MICU1: variants seen among roughly 807,000 people sequenced by gnomAD.
The protein encoded by MICU1 is calcium uptake protein 1, mitochondrial.
In MICU1, 45 loss-of-function variants were observed where a neutral mutation model predicts 56.8. That is an observed-to-expected ratio of 0.79 (90% confidence interval 0.62 to 1.02). The LOEUF is 1.02. Ranked by LOEUF, MICU1 falls within the 50% of genes least tolerant of loss-of-function variation. The probability of loss-of-function intolerance (pLI) is 0.00; values close to 1 mark genes in which losing one functional copy is unlikely to be tolerated. For synonymous variants in MICU1, 186 were observed against 195.1 expected (o/e 0.95, Z 0.39); for missense variants, 504 against 587.1 (o/e 0.86, Z 1.46).
At chr10:72,432,430 A>C (rs914093003) in intron 8 of MICU1, among the ~76,000 whole-genome samples, 3 of 151,806 alleles carry the variant, frequency 2.0e-5, no homozygotes, top group African/African-American at 7.3e-5. Context: ...CTGCCTGCCA[A>C]TTTTTTTGCC....
intron 10 of MICU1, among the ~76,000 whole-genome samples, chr10:72,397,397 ACAT>A (rs1354281061): frequency 5.9e-5 from 9 of 152,342 alleles, no homozygotes; most frequent in Admixed American, 1.3e-4. Flanking sequence ...TAACCAGCGA[ACAT>A]CATAATGACA....
At chr10:72,460,669 C>T (rs967425389) in intron 8 of MICU1, among the ~76,000 whole-genome samples, 1 of 152,156 alleles carries the variant, frequency 6.6e-6, no homozygotes, top group Admixed American at 6.5e-5. Flanking sequence ...AATTCATTCA[C>T]AAATGACTGC....
In MICU1 at chr10:72,368,233, G is replaced by T; in HGVS notation, c.1393C>A (p.Gln465Lys). 1 of 1,613,884 alleles carries T rather than the reference G, an allele frequency of 6.2e-7. No individual in the cohort carries two copies. The highest frequency in any genetic ancestry group is 8.5e-7 in the Non-Finnish European group (1 of 1,179,856). The change falls in exon 12 of 12, where the codon CAG becomes AAG. Residue 465 changes from glutamine (Q) to lysine (K), a missense_variant. By Grantham distance (53) the Gln-to-Lys change is moderately conservative. Coordinates refer to ENST00000361114, the MANE Select transcript of MICU1 (RefSeq NM_001195518.2). ...AAAGCGAAGTCCCAGGCAGTTTCCT[G>T]TGCACATTTCCACATGGCCTGCATG... ...RLMQAMWKCA[Q>K]ETAWDFALPK...
intron 10 of MICU1, among the ~76,000 whole-genome samples, chr10:72,402,830 T>C (rs1232834283): frequency 6.6e-6 from 1 of 152,046 alleles, no homozygotes; most frequent in Non-Finnish European, 1.5e-5. Flanking sequence ...GGCAGATTGC[T>C]TGAGCCCAGG....
In MICU1 at chr10:72,625,860, T is replaced by A. The variant is rs76500160; in HGVS notation, c.-2+150A>T. The A allele has an allele frequency of 0.041, 6,217 of 152,468 alleles. 435 individuals carry two copies. Among genetic ancestry groups the A allele is most frequent in the African/African-American group, 0.14 (5,851 of 41,518 alleles). The allele number at this position is 152,468 out of a possible 1,614,324, so 9.4% of individuals were successfully genotyped here. ...TGAGCGCATCAGGGAGAGACAGGTA[T>A]CCCGCCAGACCCGAGAAGTAGCCGG... On this transcript the variant is annotated intron_variant, in intron 1 of 11. Coordinates refer to ENST00000361114, the MANE Select transcript of MICU1 (RefSeq NM_001195518.2).
At chr10:72,613,893 C>T (rs1219181741) in intron 1 of MICU1, among the ~76,000 whole-genome samples, 1 of 152,020 alleles carries the variant, frequency 6.6e-6, no homozygotes, top group Non-Finnish European at 1.5e-5. Flanking sequence ...ACCTGTAATC[C>T]CAGCACTTTG....
chr10:72,616,995 C>T (rs74743032), intron 1 of MICU1, among the ~76,000 whole-genome samples: 2,601 of 152,280 alleles, frequency 0.017, 77 homozygotes, highest in African/African-American at 0.06. Context: ...TCATTTCTTT[C>T]CTATCTTTCA....
intron 1 of MICU1, among the ~76,000 whole-genome samples, chr10:72,597,691 T>TTA (rs1194495292): frequency 1.3e-5 from 2 of 152,206 alleles, no homozygotes; most frequent in African/African-American, 2.4e-5. Context: ...CATATATACC[T>TTA]TATACATATA....
chr10:72,392,258 C>T (rs1158520062), intron 10 of MICU1, among the ~76,000 whole-genome samples: 1 of 152,036 alleles, frequency 6.6e-6, no homozygotes, highest in Non-Finnish European at 1.5e-5. Context: ...CAAGGGACAA[C>T]TATTTTTATC....
rs570253346 is a variant in MICU1 at position 72,614,016 on chromosome 10, G to A, written c.-2+11994C>T. Among the ~76,000 whole-genome samples, 14 of 152,090 alleles carry A rather than the reference G, an allele frequency of 9.2e-5. No individual in the cohort carries two copies. The East Asian group carries it at 1.4e-3, about 15-fold the overall frequency. On this transcript the variant is annotated intron_variant, in intron 1 of 11. Transcript: ENST00000361114. ...AAAAAAATTAGCTGGGCGTGGTGGC[G>A]GGCGCCTGTCCCAGCTATTTAGGAG...
chr10:72,420,394 G>A (rs1376130204), intron 9 of MICU1, among the ~76,000 whole-genome samples: 6 of 152,138 alleles, frequency 3.9e-5, no homozygotes, highest in East Asian at 3.9e-4. Flanking sequence ...TTTGCCTTCC[G>A]CCGTGATTGT....
At chr10:72,399,198 A>C (rs1208402108) in intron 10 of MICU1, among the ~76,000 whole-genome samples, 1 of 152,146 alleles carries the variant, frequency 6.6e-6, no homozygotes, top group Admixed American at 6.6e-5. Context: ...CATTCTGAGC[A>C]AACTATCACA....
intron 8 of MICU1, among the ~76,000 whole-genome samples, chr10:72,470,507 C>G (rs1184489913): frequency 1.3e-5 from 2 of 152,074 alleles, no homozygotes; most frequent in South Asian, 2.1e-4. Flanking sequence ...GATGGGCAAG[C>G]AAACATGTAA....
chr10:72,521,197 A>G (rs1327676775), intron 5 of MICU1, among the ~76,000 whole-genome samples: 1 of 152,122 alleles, frequency 6.6e-6, no homozygotes, highest in Non-Finnish European at 1.5e-5. Flanking sequence ...TAAGAAAAAA[A>G]TGTATCATAA....
At chr10:72,395,463 C>G (rs370150731) in intron 10 of MICU1, among the ~76,000 whole-genome samples, 1 of 152,096 alleles carries the variant, frequency 6.6e-6, no homozygotes, top group Non-Finnish European at 1.5e-5. Flanking sequence ...GAGAGTGAGT[C>G]GAAGCAGGGC....
At position 72,371,213 on chromosome 10, in the gene MICU1, G is replaced by A. The variant is rs533776999; in HGVS notation, c.1271-2858C>T. On this transcript the variant is annotated intron_variant, in intron 11 of 11. Coordinates refer to ENST00000361114, the MANE Select transcript of MICU1 (RefSeq NM_001195518.2). The stretch of plus-strand genomic sequence containing the variant: ...ATCCTGGCTAACACGGTGAAACCTC[G>A]TCTCTACTAAAAATACAAAAAAAAA... Among the ~76,000 whole-genome samples the A allele has an allele frequency of 2.7e-5, 4 of 148,412 alleles. No homozygotes were observed. In the South Asian group the frequency reaches 6.4e-4, roughly 24 times the overall value.
At chr10:72,485,355 G>C (rs1411871882) in intron 6 of MICU1, among the ~76,000 whole-genome samples, 4 of 152,018 alleles carry the variant, frequency 2.6e-5, no homozygotes, top group Non-Finnish European at 1.5e-5. Flanking sequence ...TGGGATTGCA[G>C]GTGTGAGCCA....
intron 6 of MICU1, among the ~76,000 whole-genome samples, chr10:72,497,239 T>C (rs1000553574): frequency 6.6e-6 from 1 of 151,984 alleles, no homozygotes; most frequent in African/African-American, 2.4e-5. Context: ...TTTGTATTTT[T>C]AGTAGAGATG....
intron 8 of MICU1, among the ~76,000 whole-genome samples, chr10:72,442,179 C>A (rs960615605): frequency 6.6e-6 from 1 of 152,054 alleles, no homozygotes; most frequent in East Asian, 1.9e-4. Context: ...TTTTTTGAGA[C>A]GGAGTCTCAC....
Sources: gnomAD v4.1 joint callset for allele counts (sites outside exome capture counted in the v4.1 genomes callset) on GRCh38, gnomAD v4.1.1 for gene constraint, MANE v1.5 for transcripts, NCBI Gene and HGNC (gene_info 2026-07-23, HGNC 2026-07-21) for gene names.